TEKT3: variants seen among roughly 807,000 people sequenced by gnomAD.
TEKT3 encodes tektin-3.
A neutral mutation model predicts 49.8 loss-of-function variants in TEKT3; 49 were observed. The ratio of observed to expected loss-of-function variants is 0.98; its 90% confidence interval spans 0.78 to 1.25. The LOEUF (loss-of-function observed/expected upper bound fraction) is 1.25. Ranked by LOEUF, TEKT3 falls within the 50% of genes most tolerant of loss-of-function variation. The probability of loss-of-function intolerance (pLI) is 0.00; values close to 1 mark genes in which losing one functional copy is unlikely to be tolerated. For missense variants in TEKT3, 595 were observed against 629.5 expected, an observed-to-expected ratio of 0.95 and a Z score of 0.59; for synonymous variants, 225 against 237.2, an observed-to-expected ratio of 0.95 and a Z score of 0.47.
Position 15,333,396 on chromosome 17 carries a change from A to T in TEKT3, c.-29-1782T>A, listed in dbSNP as rs1376712773. Reference sequence around the variant, plus strand: ...CAAAATCCACACAGATCACATGATAAAATAGCTGCCCGTGGCCCTGTGCTT... The same window carrying T: ...CAAAATCCACACAGATCACATGATATAATAGCTGCCCGTGGCCCTGTGCTT... On this transcript the variant is annotated intron_variant, in intron 2 of 8. Transcript: ENST00000395930. Among the ~76,000 whole-genome samples the T allele has an allele frequency of 7.9e-5, 12 of 152,170 alleles. 2 individuals carry two copies. The highest frequency in any genetic ancestry group is 7.2e-4 in the Admixed American group (11 of 15,270).
rs191608987 is a variant in TEKT3, at chr17:15,308,704, G to A, written c.1216C>T (p.Arg406Trp). 34 of 1,613,224 alleles carry A rather than the reference G, an allele frequency of 2.1e-5. No individual in the cohort carries two copies. Among genetic ancestry groups the A allele is most frequent in the Middle Eastern group, 3.5e-4 (2 of 5,638 alleles). The change falls in exon 8 of 9, where the codon CGG becomes TGG. Residue 406 changes from arginine (R) to tryptophan (W), a missense_variant. Transcript: ENST00000395930. Reference protein sequence around the residue: ...AQTRLDERTRRPNIELCRDMA... With the variant: ...AQTRLDERTRWPNIELCRDMA... ...TCTCGGCACAACTCAATGTTCGGCC[G>A]TCTTGTGCGCTCATCCAGTCTGGTC...
intron 3 of TEKT3, among the ~76,000 whole-genome samples, chr17:15,330,381 G>C (rs1220213874): frequency 6.6e-6 from 1 of 152,190 alleles, no homozygotes; most frequent in Non-Finnish European, 1.5e-5. Flanking sequence ...GGTGGGAGGT[G>C]ATTGGATCGT....
intron 5 of TEKT3, among the ~76,000 whole-genome samples, chr17:15,318,282 C>G (rs988781969): frequency 1.3e-5 from 2 of 152,076 alleles, no homozygotes; most frequent in Non-Finnish European, 2.9e-5. Context: ...AGCCACCACG[C>G]CCGGCCGCCG....
At chr17:15,318,928 A>G (rs1176138518) in intron 5 of TEKT3, 149 bp downstream of exon 5, 5 of 567,462 alleles carry the variant, frequency 8.8e-6, no homozygotes, top group Non-Finnish European at 6.0e-6. Context: ...TAGCTGGGGT[A>G]TCAAGTAATC....
chr17:15,322,498 C>A lies in TEKT3; in HGVS notation c.664-3351G>T, dbSNP rs151104638. 3.5e-3 allele frequency among the ~76,000 whole-genome samples: 539 copies of A among 152,294 alleles called. 2 individuals carry two copies. The highest frequency in any genetic ancestry group is 0.012 in the African/African-American group (506 of 41,544). On this transcript the variant is annotated intron_variant, in intron 4 of 8. Transcript: ENST00000395930. The stretch of plus-strand genomic sequence containing the variant: ...TAAGATGTGGGCTCTGCTATACTGT[C>A]AGCTGAGGAATATGCACCACATCAC...
chr17:15,306,342 G>A (rs230967), intron 8 of TEKT3, among the ~76,000 whole-genome samples: 63,723 of 151,810 alleles, frequency 0.42, 14,090 homozygotes, highest in South Asian at 0.53. Flanking sequence ...CTAGACCGCC[G>A]AAGGGCTGCT....
chr17:15,315,565 T>C (rs1910964002), intron 5 of TEKT3, among the ~76,000 whole-genome samples: 1 of 144,246 alleles, frequency 6.9e-6, no homozygotes, highest in Non-Finnish European at 1.5e-5. Context: ...CAAGAGAATC[T>C]CCTATGAAAT....
chr17:15,333,898 G>A (rs1911881875), intron 2 of TEKT3, among the ~76,000 whole-genome samples: 1 of 151,694 alleles, frequency 6.6e-6, no homozygotes, highest in Non-Finnish European at 1.5e-5. Flanking sequence ...GAGTAGCTGG[G>A]ACTACAGGTG....
At chr17:15,306,623 T>C (rs1352339257) in intron 8 of TEKT3, among the ~76,000 whole-genome samples, 2 of 152,012 alleles carry the variant, frequency 1.3e-5, no homozygotes, top group African/African-American at 4.8e-5. Flanking sequence ...CCTCATTGTT[T>C]GATAATTCCG....
chr17:15,326,293 C>T (rs1911488140), intron 4 of TEKT3, among the ~76,000 whole-genome samples: 1 of 152,146 alleles, frequency 6.6e-6, no homozygotes, highest in African/African-American at 2.4e-5. Flanking sequence ...CCCTGCAAAG[C>T]TTGTGCAGGG....
chr17:15,336,834 T>C (rs2150754802), intron 2 of TEKT3, among the ~76,000 whole-genome samples: 1 of 152,288 alleles, frequency 6.6e-6, no homozygotes. Context: ...CCCATGGGTA[T>C]GCCTAAGACC....
At chr17:15,332,148 G>A (rs905839234) in intron 2 of TEKT3, among the ~76,000 whole-genome samples, 2 of 151,928 alleles carry the variant, frequency 1.3e-5, no homozygotes, top group Non-Finnish European at 2.9e-5. Flanking sequence ...AGCTGAGATC[G>A]CACCACTGCA....
intron 7 of TEKT3, 123 bp downstream of exon 7, chr17:15,312,136 G>A (rs1340072912): frequency 2.3e-6 from 2 of 861,186 alleles, no homozygotes; most frequent in Admixed American, 5.1e-5. Context: ...AATTTTTCTT[G>A]CTCTGTGTGG....
chr17:15,341,207 AATT>A (rs1223219278), intron 1 of TEKT3, among the ~76,000 whole-genome samples: 1 of 152,178 alleles, frequency 6.6e-6, no homozygotes. Flanking sequence ...GCTAACGGGT[AATT>A]ATTAGAATTA....
chr17:15,327,909 G>C (rs1911557195), intron 4 of TEKT3, 83 bp downstream of exon 4: 1 of 1,187,560 alleles, frequency 8.4e-7, no homozygotes, highest in East Asian at 2.4e-5. Context: ...GTCATTTTAT[G>C]TAACATCCTT....
intron 2 of TEKT3, among the ~76,000 whole-genome samples, chr17:15,333,060 C>G (rs1158782932): frequency 1.3e-5 from 2 of 150,606 alleles, no homozygotes; most frequent in Non-Finnish European, 2.9e-5. Context: ...TTCTGGGCCA[C>G]TCCCCCTGTT....
Position 15,331,423 on chromosome 17 carries a change from A to G in TEKT3, c.163T>C (p.Tyr55His), listed in dbSNP as rs753603632. The change falls in exon 3 of 9, where the codon TAC (tyrosine) becomes CAC (histidine). Residue 55 changes from tyrosine (Y) to histidine (H), a missense_variant. By Grantham distance (83) the Tyr-to-His change is moderately conservative. Coordinates refer to ENST00000395930, the MANE Select transcript of TEKT3 (RefSeq NM_031898.3). Reference protein sequence around the residue: ...SLSLPWRPSTYYKVASNSPSV... With the variant: ...SLSLPWRPSTHYKVASNSPSV... Reference sequence around the variant, plus strand: ...GGGGAATTGGAGGCGACTTTGTAGTATGTGCTGGGTCTCCAAGGAAGGCTC... The same window carrying G: ...GGGGAATTGGAGGCGACTTTGTAGTGTGTGCTGGGTCTCCAAGGAAGGCTC... 6.2e-7 allele frequency: 1 copy of G among 1,613,932 alleles called. No homozygotes were observed. The highest frequency in any genetic ancestry group is 2.2e-5 in the East Asian group (1 of 44,876).
At chr17:15,331,663 T>C in intron 2 of TEKT3, 49 bp from the exon 3 acceptor site, 1 of 1,365,776 alleles carries the variant, frequency 7.3e-7, no homozygotes. Context: ...AAATAATCTC[T>C]GGTGAAACAT....
At chr17:15,314,343 T>G in intron 5 of TEKT3, 113 bp from the exon 6 acceptor site, 3 of 1,401,860 alleles carry the variant, frequency 2.1e-6, no homozygotes, top group Non-Finnish European at 3.0e-6. Context: ...TCACCATCTC[T>G]CCCTCTTCAC....
Sources: allele counts gnomAD v4.1 joint callset (sites outside exome capture counted in the v4.1 genomes callset), GRCh38; gene constraint gnomAD v4.1.1; transcripts MANE v1.5; gene names NCBI Gene and HGNC (gene_info 2026-07-23, HGNC 2026-07-21).